Variants in NTRK2 observed in about 807,000 individuals in gnomAD.
NTRK2 encodes the protein neurotrophic receptor tyrosine kinase 2.
A neutral mutation model predicts 94.5 loss-of-function variants in NTRK2; 13 were observed. The observed-to-expected ratio is 0.14, with a 90% confidence interval of 0.09 to 0.22. The LOEUF (loss-of-function observed/expected upper bound fraction) is 0.22. NTRK2 is among the 10% of genes least tolerant of loss of function. The probability of loss-of-function intolerance (pLI) is 1.00; values close to 1 mark genes in which losing one functional copy is unlikely to be tolerated. For missense variants in NTRK2, 639 were observed against 1,071.2 expected (o/e 0.60, Z 5.63); for synonymous variants, 372 against 407.4 (o/e 0.91, Z 1.05).
In NTRK2 at chr9:84,883,430, G is replaced by C. The variant is rs1256778560; in HGVS notation, c.1633+15999G>C. Among the ~76,000 whole-genome samples the C allele has an allele frequency of 8.5e-5, 13 of 152,144 alleles. 1 individual carries two copies. The highest frequency in any genetic ancestry group is 8.5e-4 in the Admixed American group (13 of 15,276). On this transcript the variant is annotated intron_variant, in intron 14 of 18. Transcript: ENST00000277120. The stretch of plus-strand genomic sequence containing the variant: ...ACATGGAACTGTTTCACTCATGCGG[G>C]TTTAGGGCACAGGGATTGTGGTTTT...
chr9:84,706,622 C>T (rs974149400), intron 4 of NTRK2, among the ~76,000 whole-genome samples: 22 of 141,804 alleles, frequency 1.6e-4, no homozygotes, highest in South Asian at 6.9e-4. Context: ...CTCTGCCTCC[C>T]GGGTTCATGC....
In NTRK2 at chr9:84,800,275, C is replaced by T. The variant is rs555659183; in HGVS notation, c.1396+48190C>T. 1.5e-4 allele frequency among the ~76,000 whole-genome samples: 23 copies of T among 152,166 alleles called. No homozygotes were observed. The South Asian group carries it at 4.6e-3, about 30-fold the overall frequency. ...TGGAGTGCAATGGCATGATTTAGGC[C>T]CACTGCAACCTGTGCCTCCTGGGTT... On this transcript the variant is annotated intron_variant, in intron 12 of 18. Transcript: ENST00000277120.
At chr9:84,713,162 T>C (rs1479417502) in intron 6 of NTRK2, among the ~76,000 whole-genome samples, 2 of 152,200 alleles carry the variant, frequency 1.3e-5, no homozygotes, top group East Asian at 3.9e-4. Context: ...TACTATTGAG[T>C]ATCTTATATG....
At position 84,706,530 on chromosome 9, in the gene NTRK2, T is replaced by G. The variant is rs200596921; in HGVS notation, c.360-1314T>G. 7.5e-5 allele frequency among the ~76,000 whole-genome samples: 9 copies of G among 119,276 alleles called. No individual in the cohort carries two copies. In the South Asian group the frequency reaches 9.8e-4, roughly 13 times the overall value. 78.2% of individuals were successfully genotyped at this position (119,276 alleles called of 152,430 possible). On this transcript the variant is annotated intron_variant, in intron 4 of 18. Coordinates refer to ENST00000277120, the MANE Select transcript of NTRK2 (RefSeq NM_006180.6). The stretch of plus-strand genomic sequence containing the variant: ...ATGTGTGTTATTTTTTGTTTTTGTT[T>G]TTTTTTTTTTTTTTTTTGAGACGGA...
At chr9:84,769,851 A>G (rs569219483) in intron 12 of NTRK2, among the ~76,000 whole-genome samples, 1 of 152,344 alleles carries the variant, frequency 6.6e-6, no homozygotes, top group South Asian at 2.1e-4. Context: ...TTATTCCTTT[A>G]TAAATCACCA....
chr9:84,709,298 C>G (rs1386368918), intron 5 of NTRK2, among the ~76,000 whole-genome samples: 1 of 152,188 alleles, frequency 6.6e-6, no homozygotes, highest in Admixed American at 6.5e-5. Context: ...ATAATTGAAG[C>G]ATTCCTTTCC....
chr9:84,839,206 A>G (rs895814345), intron 12 of NTRK2, among the ~76,000 whole-genome samples: 1 of 152,188 alleles, frequency 6.6e-6, no homozygotes, highest in Admixed American at 6.5e-5. Context: ...TGCTTGTCCA[A>G]TAATTTCTCA....
chr9:84,804,823 A>G lies in NTRK2; in HGVS notation c.1396+52738A>G, dbSNP rs1413422889. Among the ~76,000 whole-genome samples, 5 of 152,194 alleles carry G rather than the reference A, an allele frequency of 3.3e-5. No homozygotes were observed. In the East Asian group the frequency reaches 7.7e-4, roughly 24 times the overall value. ...ATTTCACTCTACAGATATCGACCCT[A>G]TAGATTTTTCAATATATGTTTATTG... On this transcript the variant is annotated intron_variant, in intron 12 of 18. Coordinates refer to ENST00000277120, the MANE Select transcript of NTRK2 (RefSeq NM_006180.6).
At chr9:84,834,965 C>G (rs923327199) in intron 12 of NTRK2, among the ~76,000 whole-genome samples, 8 of 152,186 alleles carry the variant, frequency 5.3e-5, no homozygotes, top group African/African-American at 1.9e-4. Context: ...AAAGCAGTGG[C>G]ATTTTTGCAC....
chr9:84,964,224 A>G (rs1436370069), intron 17 of NTRK2, among the ~76,000 whole-genome samples: 1 of 152,152 alleles, frequency 6.6e-6, no homozygotes, highest in Non-Finnish European at 1.5e-5. Flanking sequence ...GAATGCATTT[A>G]TATTGCATGG....
At chr9:84,695,339 G>A (rs1309129435) in intron 2 of NTRK2, among the ~76,000 whole-genome samples, 1 of 152,178 alleles carries the variant, frequency 6.6e-6, no homozygotes, top group African/African-American at 2.4e-5. Context: ...ACTACTCCTT[G>A]TTGCTTGAAG....
At position 84,873,232 on chromosome 9, in the gene NTRK2, A is replaced by T. The variant is rs199979243; in HGVS notation, c.1633+5801A>T. On this transcript the variant is annotated intron_variant, in intron 14 of 18. Transcript: ENST00000277120. ...TTAATGTTTTGTCTTTCAAAAATAT[A>T]TTTTCTCCTAATTGTTTAATTGGCC... 5.3e-5 allele frequency: 56 copies of T among 1,060,890 alleles called. No homozygotes were observed. The African/African-American group carries it at 8.9e-4, about 17-fold the overall frequency. The allele number at this position is 1,060,890 out of a possible 1,614,324, so 65.7% of individuals were successfully genotyped here. A position where few individuals can be genotyped will look rare whatever the true frequency, so the allele number is the denominator to read the frequency against.
At chr9:84,926,512 A>G (rs996998116) in intron 14 of NTRK2, among the ~76,000 whole-genome samples, 3 of 152,032 alleles carry the variant, frequency 2.0e-5, no homozygotes, top group Non-Finnish European at 2.9e-5. Flanking sequence ...GATTACAGGC[A>G]TGAGCCACCG....
chr9:84,963,973 G>A (rs1331694614), intron 17 of NTRK2, among the ~76,000 whole-genome samples: 1 of 152,028 alleles, frequency 6.6e-6, no homozygotes, highest in African/African-American at 2.4e-5. Context: ...CATGTCTCTA[G>A]TTAACTTTTT....
At position 84,922,600 on chromosome 9, in the gene NTRK2, C is replaced by T. The variant is rs563597471; in HGVS notation, c.1634-11562C>T. Among the ~76,000 whole-genome samples, 5 of 152,292 alleles carry T rather than the reference C, an allele frequency of 3.3e-5. No homozygotes were observed. In the East Asian group the frequency reaches 5.8e-4, roughly 18 times the overall value. On this transcript the variant is annotated intron_variant, in intron 14 of 18. Coordinates refer to ENST00000277120, the MANE Select transcript of NTRK2 (RefSeq NM_006180.6). The stretch of plus-strand genomic sequence containing the variant: ...GCATAACTTTGGGCACCTTCCTTAA[C>T]GTCTTCAAGACCCAGTTACTACATC...
rs1264652002 is a variant in NTRK2, at chr9:85,024,936, C to T, written c.*3499C>T. The T allele has an allele frequency of 4.3e-6, 1 of 232,878 alleles. No individual in the cohort carries two copies. Among genetic ancestry groups the T allele is most frequent in the African/African-American group, 2.2e-5 (1 of 45,334 alleles). The allele number at this position is 232,878 out of a possible 1,614,324, so 14.4% of individuals were successfully genotyped here. On this transcript the variant is annotated 3_prime_UTR_variant, in exon 19 of 19. Coordinates refer to ENST00000277120, the MANE Select transcript of NTRK2 (RefSeq NM_006180.6). ...ATGTGTTATAAATACTTGATTTATA[C>T]ATATACAAATGCACATACGTAGTGT... is the stretch of plus-strand genomic sequence containing the variant.
At chr9:85,008,409 T>C (rs1831200711) in intron 17 of NTRK2, among the ~76,000 whole-genome samples, 1 of 152,102 alleles carries the variant, frequency 6.6e-6, no homozygotes, top group Non-Finnish European at 1.5e-5. Context: ...CAATTACTTT[T>C]GCACCAACCA....
At chr9:84,788,358 C>T (rs1189443904) in intron 12 of NTRK2, among the ~76,000 whole-genome samples, 3 of 152,212 alleles carry the variant, frequency 2.0e-5, no homozygotes, top group East Asian at 3.8e-4. Context: ...ATTTCTCAAA[C>T]ATGAGCTAAG....
chr9:84,992,563 C>T (rs1206712342), intron 17 of NTRK2, among the ~76,000 whole-genome samples: 2 of 152,110 alleles, frequency 1.3e-5, no homozygotes, highest in Non-Finnish European at 2.9e-5. Context: ...ACACTGTGCC[C>T]ATTGTCTGGC....
Sources: allele counts gnomAD v4.1 joint callset (sites outside exome capture counted in the v4.1 genomes callset), GRCh38; gene constraint gnomAD v4.1.1; transcripts MANE v1.5; gene names NCBI Gene and HGNC (gene_info 2026-07-23, HGNC 2026-07-21).